The following ACSF2 variants were observed in gnomAD, a reference collection of about 807,000 sequenced individuals.
ACSF2 encodes acyl-CoA synthetase family member 2.
ACSF2 carries 52 observed loss-of-function variants against 79.3 expected under a neutral mutation model. The observed-to-expected ratio is 0.66, with a 90% CI of 0.53 to 0.83. ACSF2 has a LOEUF of 0.83. ACSF2 is among the 40% of genes least tolerant of loss of function. The pLI is 0.00. For missense variants in ACSF2, 661 were observed against 803.3 expected, an observed-to-expected ratio of 0.82 and a Z score of 2.14; for synonymous variants, 283 against 312.6, an observed-to-expected ratio of 0.91 and a Z score of 1.00.
chr17:50,460,172 TC>T (rs772811654), intron 1 of ACSF2: 1 of 456,068 alleles, frequency 2.2e-6, no homozygotes, highest in South Asian at 1.5e-5. Flanking sequence ...CTCTCCTTTA[TC>T]CCTTTCCTAT....
At chr17:50,430,290 A>G (rs1915407370) in intron 1 of ACSF2, among the ~76,000 whole-genome samples, 1 of 152,218 alleles carries the variant, frequency 6.6e-6, no homozygotes, top group Non-Finnish European at 1.5e-5. Context: ...TATTTGGGCC[A>G]TGTTTGCAGA....
At chr17:50,444,736 G>T (rs1276436208) in intron 1 of ACSF2, among the ~76,000 whole-genome samples, 1 of 151,526 alleles carries the variant, frequency 6.6e-6, no homozygotes, top group Admixed American at 6.6e-5. Flanking sequence ...TGCTTATCTC[G>T]TGGGGAACAA....
intron 1 of ACSF2, among the ~76,000 whole-genome samples, chr17:50,452,603 A>G (rs1301498105): frequency 1.3e-5 from 2 of 152,198 alleles, no homozygotes; most frequent in East Asian, 3.9e-4. Flanking sequence ...TGATAGGTGC[A>G]GCAAACCACC....
At chr17:50,461,786 A>C in intron 4 of ACSF2, 100 bp downstream of exon 4, 1 of 1,445,884 alleles carries the variant, frequency 6.9e-7, no homozygotes. Context: ...TAGGGCATGC[A>C]TAGGCGGGTG....
At chr17:50,446,846 A>G (rs2031334192) in intron 1 of ACSF2, among the ~76,000 whole-genome samples, 1 of 152,152 alleles carries the variant, frequency 6.6e-6, no homozygotes, top group Admixed American at 6.5e-5. Context: ...TGCTCTCATT[A>G]TTGTATAATT....
In ACSF2 at chr17:50,462,231, A is replaced by T. The variant is rs1039951207; in HGVS notation, c.555A>T (p.Gln185His). Residue 185 changes from glutamine to histidine, a missense_variant, in exon 5 of 16, where the codon CAA becomes CAT. Transcript: ENST00000300441. ...LVFPKQFKTQ[Q>H]YYNVLKQICP... ...TCCCCAAGCAATTCAAGACCCAGCA[A>T]TACTACAACGTCCTGAAGCAGATCT... The T allele has an allele frequency of 6.2e-7, 1 of 1,614,092 alleles. No individual in the cohort carries two copies. The highest frequency in any genetic ancestry group is 1.3e-5 in the African/African-American group (1 of 75,046).
chr17:50,442,325 A>ATT (rs34855383), intron 1 of ACSF2, among the ~76,000 whole-genome samples: 14 of 117,262 alleles, frequency 1.2e-4, no homozygotes, highest in East Asian at 2.5e-4. Flanking sequence ...AAACAAAACA[A>ATT]TTTTTTTTTT....
intron 1 of ACSF2, among the ~76,000 whole-genome samples, chr17:50,454,301 C>T (rs1449577701): frequency 3.3e-5 from 5 of 151,752 alleles, no homozygotes; most frequent in African/African-American, 9.7e-5. Context: ...CATGAGCCAC[C>T]GTACCTGGCC....
chr17:50,438,378 A>G (rs1001781461), intron 1 of ACSF2, among the ~76,000 whole-genome samples: 2 of 152,060 alleles, frequency 1.3e-5, no homozygotes, highest in Non-Finnish European at 2.9e-5. Flanking sequence ...AAGAGTTGAC[A>G]TTTTCAGCTT....
In ACSF2 at chr17:50,463,197, C is replaced by T; in HGVS notation, c.834C>T (p.Tyr278=). 6.2e-7 allele frequency: 1 copy of T among 1,614,146 alleles called. No individual in the cohort carries two copies. The highest frequency in any genetic ancestry group is 8.5e-7 in the Non-Finnish European group (1 of 1,180,048). The change falls in exon 7 of 16, where the codon TAC becomes TAT. Residue 278 remains tyrosine (Y), a synonymous_variant. Transcript: ENST00000300441. The surrounding 1 kb of genome is among the most constrained non-coding windows in gnomAD (Gnocchi z 4.6). ...CCAAGGGGGCCACCCTCTCCCACTA[C>T]AACATTGTCAACAACTCCAACATTT... ...GSPKGATLSH[Y]NIVNNSNILG... is the part of the protein sequence containing the mutation.
Position 50,432,167 on chromosome 17 carries a change from G to A in ACSF2, c.128+5778G>A, listed in dbSNP as rs184888592. Among the ~76,000 whole-genome samples, 449 of 152,302 alleles carry A rather than the reference G, an allele frequency of 2.9e-3. 1 individual carries two copies. Among genetic ancestry groups the A allele is most frequent in the African/African-American group, 0.01 (423 of 41,554 alleles). ...CTGCCTGCCTCAGCCACCTCCCAAA[G>A]TGCTGGGATTACAGGTGTGAGCCAC... On this transcript the variant is annotated intron_variant, in intron 1 of 15. Coordinates refer to ENST00000300441, the MANE Select transcript of ACSF2 (RefSeq NM_025149.6).
chr17:50,465,152 G>A (rs946836895), intron 10 of ACSF2: 11 of 925,016 alleles, frequency 1.2e-5, no homozygotes, highest in Non-Finnish European at 1.8e-5. Flanking sequence ...CTTCAACAGG[G>A]GACCCAGTCG....
Position 50,461,223 on chromosome 17 carries a change from G to T in ACSF2, c.325-19G>T, listed in dbSNP as rs114879437. 1 of 1,614,056 alleles carries T rather than the reference G, an allele frequency of 6.2e-7. No individual in the cohort carries two copies. The highest frequency in any genetic ancestry group is 1.1e-5 in the South Asian group (1 of 91,082). ...CTGCTTGCCCCCTTTCACCCCTTGC[G>T]CCCCATCTTTTACACTAGGTGGACA... is the stretch of plus-strand genomic sequence containing the variant. On this transcript the variant is annotated intron_variant, in intron 2 of 15. Coordinates refer to ENST00000300441, the MANE Select transcript of ACSF2 (RefSeq NM_025149.6).
intron 1 of ACSF2, among the ~76,000 whole-genome samples, chr17:50,434,969 C>T (rs1305329028): frequency 1.3e-5 from 2 of 152,112 alleles, no homozygotes; most frequent in African/African-American, 4.8e-5. Flanking sequence ...CTCCCAGGTT[C>T]ATGCGATTCT....
chr17:50,453,461 G>C lies in ACSF2; in HGVS notation c.129-7216G>C, dbSNP rs189573507. ...GACCTCAGATGATCCACCCACCTCA[G>C]CCTCCCAAAATGTTGGGGTTACAGG... On this transcript the variant is annotated intron_variant, in intron 1 of 15. Transcript: ENST00000300441. 7.9e-5 allele frequency among the ~76,000 whole-genome samples: 12 copies of C among 152,134 alleles called. 1 individual carries two copies. The highest frequency in any genetic ancestry group is 2.7e-4 in the African/African-American group (11 of 41,484).
chr17:50,427,296 A>G (rs1486640551), intron 1 of ACSF2, among the ~76,000 whole-genome samples: 1 of 152,166 alleles, frequency 6.6e-6, no homozygotes, highest in Non-Finnish European at 1.5e-5. Flanking sequence ...AAAAAGGCTA[A>G]GTAGGAAGAG....
chr17:50,465,179 TA>T, intron 10 of ACSF2: 2 of 1,268,544 alleles, frequency 1.6e-6, no homozygotes, highest in Non-Finnish European at 2.2e-6. Flanking sequence ...CCTCTCTCTG[TA>T]AAAATGGAGG....
intron 1 of ACSF2, among the ~76,000 whole-genome samples, chr17:50,452,106 G>A (rs1186272804): frequency 2.6e-5 from 4 of 152,184 alleles, no homozygotes; most frequent in Admixed American, 6.5e-5. Context: ...CACCTTTAAG[G>A]TGGGGCTGTG....
chr17:50,465,186 G>T (rs1332018168), intron 10 of ACSF2: 3 of 1,329,378 alleles, frequency 2.3e-6, no homozygotes, highest in Non-Finnish European at 3.1e-6. Context: ...CTGTAAAAAT[G>T]GAGGGTCTGC....
Sources: allele counts gnomAD v4.1 joint callset (sites outside exome capture counted in the v4.1 genomes callset), GRCh38; gene constraint gnomAD v4.1.1; non-coding constraint Gnocchi (gnomAD v3.1); transcripts MANE v1.5; gene names NCBI Gene and HGNC (gene_info 2026-07-23, HGNC 2026-07-21).